Variants in SNX29 observed in about 807,000 individuals in gnomAD.
SNX29 encodes sorting nexin 29.
Under a neutral mutation model 102.1 loss-of-function variants are expected in SNX29, and 78 were observed. That is an observed-to-expected ratio of 0.76 (90% CI 0.64 to 0.92). The LOEUF (loss-of-function observed/expected upper bound fraction) is 0.92, where lower values mean the gene tolerates loss of function less well. Ranked by LOEUF, SNX29 falls within the 40% of genes least tolerant of loss-of-function variation. The probability of loss-of-function intolerance (pLI) is 0.00; values close to 1 mark genes in which losing one functional copy is unlikely to be tolerated. For synonymous variants in SNX29, 580 were observed against 414.5 expected (o/e 1.40, Z -4.85); for missense variants, 1,280 against 1,061.7 (o/e 1.21, Z -2.86).
chr16:12,536,230 G>GT (rs913525669), intron 20 of SNX29, among the ~76,000 whole-genome samples: 12 of 152,076 alleles, frequency 7.9e-5, no homozygotes, highest in East Asian at 1.9e-4. Flanking sequence ...AGGATTTCAT[G>GT]TTTTTTTCTT....
intron 20 of SNX29, among the ~76,000 whole-genome samples, chr16:12,566,281 G>C (rs991416016): frequency 6.6e-6 from 1 of 152,164 alleles, no homozygotes; most frequent in Non-Finnish European, 1.5e-5. Flanking sequence ...CCCACAGCAG[G>C]ACTGGACAGA....
rs184238837 is a variant in SNX29 at position 12,370,289 on chromosome 16, G to A, written c.1899+14010G>A. 3.1e-3 allele frequency among the ~76,000 whole-genome samples: 466 copies of A among 151,824 alleles called. 1 individual carries two copies. The highest frequency in any genetic ancestry group is 5.3e-3 in the Non-Finnish European group (363 of 67,930). The stretch of plus-strand genomic sequence containing the variant: ...AACAAAAATAAAGGTGGCTGGGTGC[G>A]GTGGCTCACACCTGTAATCCCAGCA... On this transcript the variant is annotated intron_variant, in intron 16 of 20. Coordinates refer to ENST00000566228, the MANE Select transcript of SNX29 (RefSeq NM_032167.5).
At chr16:12,566,581 C>T (rs1357128598) in intron 20 of SNX29, among the ~76,000 whole-genome samples, 1 of 152,184 alleles carries the variant, frequency 6.6e-6, no homozygotes, top group African/African-American at 2.4e-5. Context: ...ACTTTTACAT[C>T]CAAGCCTTCC....
At chr16:12,021,619 G>T (rs925624322) in intron 3 of SNX29, among the ~76,000 whole-genome samples, 2 of 152,144 alleles carry the variant, frequency 1.3e-5, no homozygotes, top group African/African-American at 4.8e-5. Flanking sequence ...TGGGCTTGGT[G>T]TCTCACTTCT....
At chr16:12,543,112 C>G (rs1272381821) in intron 20 of SNX29, among the ~76,000 whole-genome samples, 1 of 152,132 alleles carries the variant, frequency 6.6e-6, no homozygotes, top group Non-Finnish European at 1.5e-5. Flanking sequence ...ATCCTGGCAG[C>G]TGCGTATCTT....
Position 12,083,670 on chromosome 16 carries a change from G to A in SNX29, c.1402+4755G>A, listed in dbSNP as rs779611791. 5.9e-5 allele frequency among the ~76,000 whole-genome samples: 9 copies of A among 152,152 alleles called. 1 individual carries two copies. The highest frequency in any genetic ancestry group is 2.0e-4 in the Admixed American group (3 of 15,258). ...ATGAGTTGTCCCAGGAGTGAGTGTC[G>A]CAAATGCCGTCCCAGTTCAGATGGA... On this transcript the variant is annotated intron_variant, in intron 11 of 20. Coordinates refer to ENST00000566228, the MANE Select transcript of SNX29 (RefSeq NM_032167.5).
rs145902129 is a variant in SNX29 at position 12,460,605 on chromosome 16, C to G, written c.2038-17114C>G. 2.8e-3 allele frequency among the ~76,000 whole-genome samples: 420 copies of G among 152,184 alleles called. 1 individual carries two copies. The highest frequency in any genetic ancestry group is 4.0e-3 in the Non-Finnish European group (270 of 68,020). On this transcript the variant is annotated intron_variant, in intron 18 of 20. Coordinates refer to ENST00000566228, the MANE Select transcript of SNX29 (RefSeq NM_032167.5). ...GCATCCCTATGCCATAACACTTATT[C>G]CACTGGACTATAACTTTTTGGCTGG...
At chr16:12,141,613 G>C (rs568110525) in intron 13 of SNX29, among the ~76,000 whole-genome samples, 1 of 152,360 alleles carries the variant, frequency 6.6e-6, no homozygotes, top group African/African-American at 2.4e-5. Flanking sequence ...GGATTTCCTG[G>C]AAGTGACGGT....
At chr16:12,039,375 G>T (rs1397999373) in intron 4 of SNX29, among the ~76,000 whole-genome samples, 5 of 152,102 alleles carry the variant, frequency 3.3e-5, no homozygotes, top group Admixed American at 1.3e-4. Flanking sequence ...TCATTTGGTT[G>T]AATGGACTTT....
intron 19 of SNX29, among the ~76,000 whole-genome samples, chr16:12,491,798 T>G (rs529174205): frequency 6.6e-6 from 1 of 152,254 alleles, no homozygotes; most frequent in East Asian, 1.9e-4. Flanking sequence ...TCTGTCCTTG[T>G]GATAGTTTGC....
chr16:12,161,029 G>A (rs1170244631), intron 13 of SNX29, among the ~76,000 whole-genome samples: 1 of 152,184 alleles, frequency 6.6e-6, no homozygotes, highest in Non-Finnish European at 1.5e-5. Context: ...TGCTACAGCT[G>A]ATCAAAACCC....
intron 18 of SNX29, among the ~76,000 whole-genome samples, chr16:12,441,210 C>T (rs1349397962): frequency 1.3e-5 from 2 of 151,572 alleles, no homozygotes; most frequent in African/African-American, 4.9e-5. Flanking sequence ...GACTCAGCCT[C>T]CCGAGTAGTT....
intron 18 of SNX29, among the ~76,000 whole-genome samples, chr16:12,429,408 C>T (rs1261198269): frequency 2.0e-5 from 3 of 152,142 alleles, no homozygotes; most frequent in Admixed American, 6.6e-5. Context: ...CACATGTAAA[C>T]GTCTGTGTTC....
chr16:12,569,466 T>C lies in SNX29; in HGVS notation c.*837T>C. On this transcript the variant is annotated 3_prime_UTR_variant, in exon 21 of 21. Coordinates refer to ENST00000566228, the MANE Select transcript of SNX29 (RefSeq NM_032167.5). ...ATTGGCCCTACAGTCATGAGAGACTTGGGTCAGGGAACCACTGCAGAAGGT... is the reference window on the plus strand; with the variant it reads ...ATTGGCCCTACAGTCATGAGAGACTCGGGTCAGGGAACCACTGCAGAAGGT... 1 of 231,362 alleles carries C rather than the reference T, an allele frequency of 4.3e-6. No individual in the cohort carries two copies. Among genetic ancestry groups the C allele is most frequent in the East Asian group, 6.1e-5 (1 of 16,332 alleles). The allele number at this position is 231,362 out of a possible 1,614,324, so 14.3% of individuals were successfully genotyped here. A position where few individuals can be genotyped will look rare whatever the true frequency, so the allele number is the denominator to read the frequency against.
At chr16:12,481,405 C>T (rs917412906) in intron 19 of SNX29, among the ~76,000 whole-genome samples, 1 of 151,570 alleles carries the variant, frequency 6.6e-6, no homozygotes, top group African/African-American at 2.4e-5. Context: ...TACACACACA[C>T]ACACACATAT....
chr16:12,276,396 C>T (rs539434636), intron 14 of SNX29, among the ~76,000 whole-genome samples: 38 of 152,314 alleles, frequency 2.5e-4, no homozygotes, highest in Non-Finnish European at 4.9e-4. Context: ...GGGTCTTGAG[C>T]CTTCGGCGGG....
At chr16:12,404,908 T>G (rs2084101538) in intron 18 of SNX29, among the ~76,000 whole-genome samples, 1 of 152,220 alleles carries the variant, frequency 6.6e-6, no homozygotes, top group East Asian at 1.9e-4. Context: ...CTGGAAATCT[T>G]AGGGACAGAT....
chr16:12,226,339 A>G (rs887486628), intron 14 of SNX29, among the ~76,000 whole-genome samples: 8 of 152,216 alleles, frequency 5.3e-5, no homozygotes, highest in African/African-American at 1.7e-4. Context: ...TGATTTTTTA[A>G]TGACCCCCTG....
intron 16 of SNX29, 51 bp downstream of exon 16, chr16:12,356,330 C>T (rs1299607749): frequency 1.2e-5 from 18 of 1,499,868 alleles, no homozygotes; most frequent in Non-Finnish European, 1.6e-5. Flanking sequence ...CTGCCCACAG[C>T]CCAGTAGAAA....
Sources: allele counts gnomAD v4.1 joint callset (sites outside exome capture counted in the v4.1 genomes callset), GRCh38; gene constraint gnomAD v4.1.1; transcripts MANE v1.5; gene names NCBI Gene and HGNC (gene_info 2026-07-23, HGNC 2026-07-21).